RGS20: variants seen among roughly 807,000 people sequenced by gnomAD.
RGS20 encodes gz-selective GTPase-activating protein.
Under a neutral mutation model 33.6 loss-of-function variants are expected in RGS20, and 30 were observed. The ratio of observed to expected loss-of-function variants is 0.89; its 90% CI spans 0.67 to 1.21. The LOEUF (loss-of-function observed/expected upper bound fraction) is 1.21, where lower values mean the gene tolerates loss of function less well. RGS20 is among the 50% of genes most tolerant of loss of function. RGS20 has a pLI of 0.00. For missense variants in RGS20, 472 were observed against 502.4 expected (o/e 0.94, Z 0.58); for synonymous variants, 208 against 197.9 (o/e 1.05, Z -0.43).
intron 2 of RGS20, among the ~76,000 whole-genome samples, chr8:53,883,124 T>C (rs1371412956): frequency 6.6e-6 from 1 of 152,122 alleles, no homozygotes; most frequent in Non-Finnish European, 1.5e-5. Context: ...CTCATCCTGT[T>C]TATCTTCTGT....
chr8:53,948,301 T>C (rs1814594194), intron 4 of RGS20, among the ~76,000 whole-genome samples: 1 of 140,504 alleles, frequency 7.1e-6, no homozygotes, highest in Non-Finnish European at 1.5e-5. Flanking sequence ...ATACGATATA[T>C]GATACAGTAT....
intron 1 of RGS20, among the ~76,000 whole-genome samples, chr8:53,859,875 GCATGGGAAAAACC>G (rs538888238): frequency 6.6e-6 from 1 of 152,286 alleles, no homozygotes; most frequent in African/African-American, 2.4e-5. Flanking sequence ...CATGAGAACA[GCATGGGAAAAACC>G]CACCCCCACT....
At chr8:53,892,216 G>A (rs1029548685) in intron 2 of RGS20, among the ~76,000 whole-genome samples, 2 of 152,168 alleles carry the variant, frequency 1.3e-5, no homozygotes, top group Admixed American at 1.3e-4. Context: ...CAAAGGACAC[G>A]AACTCATCAT....
At chr8:53,956,502 C>T (rs1814866597) in intron 5 of RGS20, among the ~76,000 whole-genome samples, 1 of 152,134 alleles carries the variant, frequency 6.6e-6, no homozygotes, top group Admixed American at 6.6e-5. Flanking sequence ...TCCAAAGGGA[C>T]ATGGTGAGGG....
chr8:53,924,198 T>A (rs561834423), intron 2 of RGS20, among the ~76,000 whole-genome samples: 1 of 151,800 alleles, frequency 6.6e-6, no homozygotes, highest in South Asian at 2.1e-4. Flanking sequence ...TTTTATTTTT[T>A]ATTTTTTTTT....
At chr8:53,879,682 C>G (rs1812302341) in intron 2 of RGS20, 5 of 1,191,352 alleles carry the variant, frequency 4.2e-6, no homozygotes, top group Non-Finnish European at 5.6e-6. Context: ...CTAACCCCAA[C>G]TGACCCGCTC....
intron 2 of RGS20, among the ~76,000 whole-genome samples, chr8:53,895,325 C>CAGCT (rs1812825796): frequency 6.6e-6 from 1 of 152,142 alleles, no homozygotes; most frequent in African/African-American, 2.4e-5. Context: ...TGGTGCCAGG[C>CAGCT]AGCTGGTTGG....
chr8:53,891,688 T>C (rs1320668470), intron 2 of RGS20, among the ~76,000 whole-genome samples: 2 of 152,224 alleles, frequency 1.3e-5, no homozygotes, highest in African/African-American at 4.8e-5. Context: ...TATTACATTG[T>C]TATCTTTCTT....
rs953888238 is a variant in RGS20, at chr8:53,877,957, G to A, written c.166-1301G>A. The stretch of plus-strand genomic sequence containing the variant: ...CTGGTGACTGCGGAGTGAGGGAACC[G>A]CGCCAGGCCCACGAGGCCGCTCGCG... On this transcript the variant is annotated intron_variant, in intron 1 of 5. Transcript: ENST00000297313. The surrounding 1 kb of genome is among the most constrained non-coding windows in gnomAD (Gnocchi z 5.7). 6.6e-6 allele frequency among the ~76,000 whole-genome samples: 1 copy of A among 152,138 alleles called. No homozygotes were observed. Among genetic ancestry groups the A allele is most frequent in the Admixed American group, 6.5e-5 (1 of 15,284 alleles).
At chr8:53,895,121 C>T (rs1333355497) in intron 2 of RGS20, among the ~76,000 whole-genome samples, 2 of 151,946 alleles carry the variant, frequency 1.3e-5, no homozygotes, top group African/African-American at 4.8e-5. Context: ...GCAGTGCAGG[C>T]CTGGCGTGAG....
intron 1 of RGS20, chr8:53,876,218 C>T (rs180846259): frequency 1.3e-5 from 2 of 152,260 alleles, no homozygotes; most frequent in African/African-American, 2.4e-5. Flanking sequence ...ATTTATTCTG[C>T]TATGGATATT....
At chr8:53,891,756 G>C (rs577655409) in intron 2 of RGS20, among the ~76,000 whole-genome samples, 1 of 151,840 alleles carries the variant, frequency 6.6e-6, no homozygotes, top group East Asian at 1.9e-4. Flanking sequence ...TTTGCCATTT[G>C]TGAGTGTAAA....
chr8:53,906,259 C>T lies in RGS20; in HGVS notation c.510+26657C>T, dbSNP rs116263422. Among the ~76,000 whole-genome samples the T allele has an allele frequency of 6.5e-3, 988 of 152,156 alleles. 8 individuals carry two copies. The highest frequency in any genetic ancestry group is 0.021 in the African/African-American group (887 of 41,510). ...AGCATGGTGGCACGTGCCTACAGTC[C>T]TAGCTATTTGGGAGGCTAAAGCAGG... is the stretch of plus-strand genomic sequence containing the variant. On this transcript the variant is annotated intron_variant, in intron 2 of 5. Coordinates refer to ENST00000297313, the MANE Select transcript of RGS20 (RefSeq NM_170587.4).
chr8:53,881,163 C>G, intron 2 of RGS20, 79 bp downstream of exon 1: 1 of 1,087,406 alleles, frequency 9.2e-7, no homozygotes, highest in Non-Finnish European at 1.2e-6. Context: ...GTGGCCGAGG[C>G]TGGGAGGGGC....
At chr8:53,875,456 A>C (rs1264346308) in intron 1 of RGS20, among the ~76,000 whole-genome samples, 1 of 150,436 alleles carries the variant, frequency 6.6e-6, no homozygotes, top group East Asian at 2.0e-4. Context: ...AAAAACCAAA[A>C]AAACCAAAAA....
intron 2 of RGS20, among the ~76,000 whole-genome samples, chr8:53,914,406 C>G (rs1416523519): frequency 6.6e-6 from 1 of 152,118 alleles, no homozygotes; most frequent in Non-Finnish European, 1.5e-5. Flanking sequence ...CTTTCTCTTC[C>G]TATTTTTGAT....
At chr8:53,933,769 A>T (rs926053844) in intron 2 of RGS20, 4 of 152,254 alleles carry the variant, frequency 2.6e-5, no homozygotes, top group Non-Finnish European at 4.4e-5. Context: ...CACCACGAAG[A>T]TATTCCTCGT....
chr8:53,902,545 CT>C (rs2129281076), intron 2 of RGS20, among the ~76,000 whole-genome samples: 1 of 152,318 alleles, frequency 6.6e-6, no homozygotes, highest in East Asian at 1.9e-4. Flanking sequence ...CTCTATCTTT[CT>C]CATCACTTGG....
At chr8:53,954,340 G>A (rs765465930) in intron 5 of RGS20, 30 bp downstream of exon 4, 95 of 1,445,474 alleles carry the variant, frequency 6.6e-5, no homozygotes, top group Middle Eastern at 4.3e-4. Flanking sequence ...CTTTTCCCAA[G>A]GCTGTTGGTA....
Sources: gnomAD v4.1 joint callset for allele counts (sites outside exome capture counted in the v4.1 genomes callset) on GRCh38, gnomAD v4.1.1 for gene constraint, Gnocchi (gnomAD v3.1) non-coding constraint, MANE v1.5 for transcripts, NCBI Gene and HGNC (gene_info 2026-07-23, HGNC 2026-07-21) for gene names.